Variants in EIF4E observed in about 807,000 individuals in gnomAD.
The protein encoded by EIF4E is eukaryotic translation initiation factor 4E, also known as eIF-4F 25 kDa subunit.
For synonymous variants in EIF4E, 71 were observed against 88.5 expected (o/e 0.80, Z 1.11); for missense variants, 113 against 265.6 (o/e 0.43, Z 3.99).
At chr4:98,882,409 A>G (rs1723737744) in intron 6 of EIF4E, among the ~76,000 whole-genome samples, 1 of 151,296 alleles carries the variant, frequency 6.6e-6, no homozygotes, top group Non-Finnish European at 1.5e-5. Context: ...AAAAAAAAAA[A>G]AAAAAGAAAA....
chr4:98,890,363 G>A (rs1724096240), intron 3 of EIF4E, among the ~76,000 whole-genome samples: 1 of 152,164 alleles, frequency 6.6e-6, no homozygotes, highest in Non-Finnish European at 1.5e-5. Context: ...AATTTAAAGT[G>A]CTTATTAAAG....
chr4:98,918,629 G>C (rs1383226549), intron 1 of EIF4E, among the ~76,000 whole-genome samples: 1 of 152,068 alleles, frequency 6.6e-6, no homozygotes. Flanking sequence ...ATTTATCCCA[G>C]TAATGTTTGA....
intron 3 of EIF4E, among the ~76,000 whole-genome samples, chr4:98,888,670 T>G (rs1268921803): frequency 6.6e-6 from 1 of 152,162 alleles, no homozygotes; most frequent in African/African-American, 2.4e-5. Flanking sequence ...GTAGGAGGCT[T>G]AGATCATTTG....
intron 1 of EIF4E, among the ~76,000 whole-genome samples, chr4:98,908,938 C>A (rs1484273591): frequency 6.6e-6 from 1 of 152,186 alleles, no homozygotes; most frequent in Non-Finnish European, 1.5e-5. Flanking sequence ...GTTAACAGAA[C>A]TCTCACTCCC....
intron 2 of EIF4E, among the ~76,000 whole-genome samples, chr4:98,899,361 T>C (rs1724552870): frequency 6.6e-6 from 1 of 152,094 alleles, no homozygotes; most frequent in Non-Finnish European, 1.5e-5. Flanking sequence ...AAATTGAAAA[T>C]ACTGAAATTG....
chr4:98,914,050 T>C (rs1175065724), intron 1 of EIF4E, among the ~76,000 whole-genome samples: 6 of 147,760 alleles, frequency 4.1e-5, no homozygotes, highest in Non-Finnish European at 7.5e-5. Flanking sequence ...CAGAACCATA[T>C]AAAAATGAGC....
intron 5 of EIF4E, 108 bp downstream of exon 5, chr4:98,886,971 T>C: frequency 1.7e-6 from 2 of 1,155,506 alleles, no homozygotes; most frequent in South Asian, 2.5e-5. Flanking sequence ...TTTTCTAGTG[T>C]TGGGCATCCT....
At chr4:98,899,412 C>T (rs1724554240) in intron 2 of EIF4E, among the ~76,000 whole-genome samples, 1 of 152,114 alleles carries the variant, frequency 6.6e-6, no homozygotes, top group Non-Finnish European at 1.5e-5. Flanking sequence ...TTGGCAACAA[C>T]TTAAAAGACT....
intron 1 of EIF4E, among the ~76,000 whole-genome samples, chr4:98,919,344 AAAC>A (rs1474373406): frequency 6.8e-6 from 1 of 147,082 alleles, no homozygotes; most frequent in Non-Finnish European, 1.5e-5. Flanking sequence ...AAAAAAAAAA[AAAC>A]AAAAAAAAAC....
rs574969865 is a variant in EIF4E at position 98,880,318 on chromosome 4, T to A, written c.*710A>T. On this transcript the variant is annotated 3_prime_UTR_variant, in exon 7 of 7. Transcript: ENST00000450253. ...ACATAGATCACTGATTTGAATGAAA[T>A]GCATAAATTTGTAGCAAAGCTTTGT... 4 of 124,842 alleles carry A rather than the reference T, an allele frequency of 3.2e-5. No individual in the cohort carries two copies. Among genetic ancestry groups the A allele is most frequent in the Non-Finnish European group, 5.0e-5 (3 of 60,496 alleles). The allele number at this position is 124,842 out of a possible 1,614,324, so 7.7% of individuals were successfully genotyped here.
At chr4:98,889,335 AGACG>A (rs1433386782) in intron 3 of EIF4E, among the ~76,000 whole-genome samples, 1 of 152,200 alleles carries the variant, frequency 6.6e-6, no homozygotes, top group East Asian at 1.9e-4. Context: ...CAACAAAAAA[AGACG>A]GGATACTAAG....
intron 1 of EIF4E, among the ~76,000 whole-genome samples, chr4:98,924,587 G>GT (rs1250294564): frequency 6.9e-6 from 1 of 145,536 alleles, no homozygotes; most frequent in Non-Finnish European, 1.6e-5. Context: ...TGTGAAATTT[G>GT]TTTCTGTTTT....
intron 1 of EIF4E, among the ~76,000 whole-genome samples, chr4:98,916,729 G>A (rs1725396162): frequency 6.6e-6 from 1 of 152,106 alleles, no homozygotes; most frequent in East Asian, 1.9e-4. Context: ...GAATCCTGAA[G>A]AATTCTATGT....
In EIF4E at chr4:98,891,256, T is replaced by C; in HGVS notation, c.202A>G (p.Thr68Ala). The change falls in exon 3 of 7, where the codon ACT becomes GCT. Residue 68 changes from threonine to alanine, a missense_variant. By Grantham distance (58) the Thr-to-Ala change is moderately conservative (BLOSUM62 0). Transcript: ENST00000450253. ...ANLRLISKFD[T>A]VEDFWALYNH... ...ACTTACGCCCAAAAGTCTTCAACAGTATCAAACTTGGAGATCAGCCGCAGG... is the reference window on the plus strand; with the variant it reads ...ACTTACGCCCAAAAGTCTTCAACAGCATCAAACTTGGAGATCAGCCGCAGG... 1 of 1,614,148 alleles carries C rather than the reference T, an allele frequency of 6.2e-7. No homozygotes were observed. The highest frequency in any genetic ancestry group is 8.5e-7 in the Non-Finnish European group (1 of 1,180,010).
At chr4:98,883,874 C>CA (rs549166202) in intron 6 of EIF4E, among the ~76,000 whole-genome samples, 42 of 151,800 alleles carry the variant, frequency 2.8e-4, no homozygotes, top group East Asian at 1.8e-3. Context: ...CTCTTCTCTA[C>CA]AAAAAATACA....
intron 3 of EIF4E, among the ~76,000 whole-genome samples, chr4:98,888,891 T>TGGC (rs1408181896): frequency 6.6e-6 from 1 of 152,178 alleles, no homozygotes; most frequent in Non-Finnish European, 1.5e-5. Flanking sequence ...CCGGGTGCAG[T>TGGC]GGCTCACGCC....
At position 98,887,264 on chromosome 4, in the gene EIF4E, G is replaced by C; in HGVS notation, c.286-72C>G. 1 of 1,467,758 alleles carries C rather than the reference G, an allele frequency of 6.8e-7. No homozygotes were observed. The highest frequency in any genetic ancestry group is 9.5e-7 in the Non-Finnish European group (1 of 1,048,682). The allele number at this position is 1,467,758 out of a possible 1,614,324, so 90.9% of individuals were successfully genotyped here. On this transcript the variant is annotated intron_variant, in intron 4 of 6. Transcript: ENST00000450253. The surrounding 1 kb of genome is among the most constrained non-coding windows in gnomAD (Gnocchi z 4.0). ...CTTTGAGAGATAATCATTAGAAACA[G>C]TTAAGCAACAACACTGTCAACTTCT...
At chr4:98,897,928 A>G (rs994451402) in intron 2 of EIF4E, among the ~76,000 whole-genome samples, 8 of 152,230 alleles carry the variant, frequency 5.3e-5, no homozygotes, top group African/African-American at 1.9e-4. Flanking sequence ...TTATTTTCCA[A>G]ATAAGCAGTG....
intron 1 of EIF4E, among the ~76,000 whole-genome samples, chr4:98,902,965 C>T (rs574628491): frequency 1.3e-5 from 2 of 152,240 alleles, no homozygotes; most frequent in East Asian, 1.9e-4. Flanking sequence ...CCTAAAAGTT[C>T]GGCAACTTAA....
Sources: allele counts gnomAD v4.1 joint callset (sites outside exome capture counted in the v4.1 genomes callset), GRCh38; gene constraint gnomAD v4.1.1; non-coding constraint Gnocchi (gnomAD v3.1); transcripts MANE v1.5; gene names NCBI Gene and HGNC (gene_info 2026-07-23, HGNC 2026-07-21).